The following APPL1 variants were observed in gnomAD, a reference collection of about 807,000 sequenced individuals.
APPL1 encodes the protein adaptor protein, phosphotyrosine interacting with PH domain and leucine zipper 1, also known as DCC-interacting protein 13-alpha.
In APPL1, 42 loss-of-function variants were observed where a neutral mutation model predicts 106.8. The observed-to-expected ratio is 0.39, with a 90% CI of 0.31 to 0.51. The LOEUF is 0.51. Ranked by LOEUF, APPL1 falls within the 20% of genes least tolerant of loss-of-function variation. The probability of loss-of-function intolerance (pLI) is 0.75; values close to 1 mark genes in which losing one functional copy is unlikely to be tolerated. For missense variants in APPL1, 769 were observed against 858.2 expected (o/e 0.90, Z 1.30); for synonymous variants, 263 against 281.8 (o/e 0.93, Z 0.67).
chr3:57,251,351 C>G (rs2060803566), intron 11 of APPL1, among the ~76,000 whole-genome samples: 1 of 151,012 alleles, frequency 6.6e-6, no homozygotes, highest in Non-Finnish European at 1.5e-5. Context: ...TGGTGAAATC[C>G]AGTCTCTACT....
chr3:57,262,385 C>CCTT (rs2060871206), intron 19 of APPL1, among the ~76,000 whole-genome samples: 1 of 29,056 alleles, frequency 3.4e-5, no homozygotes, highest in African/African-American at 1.3e-4. Flanking sequence ...GGAAAATAAC[C>CCTT]TTTTTTTTTT....
chr3:57,232,731 G>A (rs761391437), intron 1 of APPL1, among the ~76,000 whole-genome samples: 1 of 152,044 alleles, frequency 6.6e-6, no homozygotes, highest in Non-Finnish European at 1.5e-5. Flanking sequence ...GGCCCGGTGC[G>A]GTGGCTCACG....
intron 4 of APPL1, among the ~76,000 whole-genome samples, chr3:57,238,445 C>T (rs755428147): frequency 1.3e-5 from 2 of 152,244 alleles, no homozygotes; most frequent in Non-Finnish European, 1.5e-5. Flanking sequence ...TGCTATTAAG[C>T]AACATTTTAC....
At position 57,249,547 on chromosome 3, in the gene APPL1, AAGTT is replaced by A. The variant is rs1421398407; in HGVS notation, c.1052+3_1052+6del. 2 of 1,558,556 alleles carry A rather than the reference AAGTT, an allele frequency of 1.3e-6. No individual in the cohort carries two copies. Among genetic ancestry groups the A allele is most frequent in the Admixed American group, 4.2e-5 (2 of 47,630 alleles). On this transcript the variant is annotated splice_donor_variant and splice_donor_region_variant and coding_sequence_variant and intron_variant, in exon 11 of 22. Transcript: ENST00000288266. LOFTEE classifies it high-confidence loss of function. ...TCAGATCACCTCTTTCGATGGAAAA[AAGTT>A]AGTATTTTTTTTCTACTACTACTAA...
chr3:57,247,954 G>A (rs889123707), intron 9 of APPL1, among the ~76,000 whole-genome samples: 3 of 152,116 alleles, frequency 2.0e-5, no homozygotes, highest in Admixed American at 6.5e-5. Flanking sequence ...TGAAAATTAC[G>A]CCAAAATCAG....
Position 57,246,123 on chromosome 3 carries a change from A to G in APPL1, c.522A>G (p.Gln174=). The change falls in exon 8 of 22, where the codon CAA becomes CAG. Residue 174 remains glutamine (Q), a synonymous_variant. Transcript: ENST00000288266. ...TEDVYTSRKK[Q]HQTMMHYFCA... ...ATGTGTACACATCCAGAAAGAAACA[A>G]CACCAGACCATGATGCATTATTTTT... The G allele has an allele frequency of 1.2e-6, 2 of 1,612,006 alleles. No homozygotes were observed. Among genetic ancestry groups the G allele is most frequent in the Non-Finnish European group, 1.7e-6 (2 of 1,178,980 alleles).
intron 13 of APPL1, among the ~76,000 whole-genome samples, chr3:57,256,015 G>A (rs1051744860): frequency 6.6e-6 from 1 of 152,122 alleles, no homozygotes; most frequent in Non-Finnish European, 1.5e-5. Context: ...CTAACCATAA[G>A]ACACAGAAGT....
Position 57,234,288 on chromosome 3 carries a change from T to C in APPL1, c.55-1278T>C, listed in dbSNP as rs1458495791. ...TTTCCTTATCTTTGACAAATTTTTA[T>C]TGACATTCTTTTTTTTTTTTTTTTT... On this transcript the variant is annotated intron_variant, in intron 1 of 21. Transcript: ENST00000288266. Among the ~76,000 whole-genome samples, 5 of 151,374 alleles carry C rather than the reference T, an allele frequency of 3.3e-5. No individual in the cohort carries two copies. In the East Asian group the frequency reaches 9.7e-4, roughly 29 times the overall value.
intron 15 of APPL1, 130 bp downstream of exon 15, chr3:57,257,558 A>C (rs2060843997): frequency 1.3e-6 from 1 of 781,422 alleles, no homozygotes; most frequent in Non-Finnish European, 1.8e-6. Context: ...TTAATTATGT[A>C]ACATATTGTT....
chr3:57,263,048 T>C (rs1211800824), intron 19 of APPL1, among the ~76,000 whole-genome samples: 1 of 151,258 alleles, frequency 6.6e-6, no homozygotes, highest in Non-Finnish European at 1.5e-5. Context: ...ACAGGGTTTC[T>C]CCATGTTGGT....
chr3:57,268,080 G>A (rs867541824), intron 20 of APPL1: 17 of 494,768 alleles, frequency 3.4e-5, no homozygotes, highest in South Asian at 8.5e-5. Context: ...GCAACAGAGC[G>A]AGACTGTATC....
At chr3:57,267,646 T>A (rs2060901786) in intron 19 of APPL1, 96 bp from the exon 20 acceptor site, 1 of 992,976 alleles carries the variant, frequency 1.0e-6, no homozygotes. Flanking sequence ...GTATTAGGAT[T>A]AGTTATAAAA....
At chr3:57,258,669 G>A (rs1579398363) in intron 15 of APPL1, 1 of 174,730 alleles carries the variant, frequency 5.7e-6, no homozygotes, top group South Asian at 1.9e-4. Context: ...TACAATTCCA[G>A]GACATTCTTG....
Position 57,248,309 on chromosome 3 carries a change from A to T in APPL1, c.821A>T (p.Asn274Ile). ...CCAGACCCCACCAAATTTCCTGTTA[A>T]TCGAAATTTAACCCGAAAGGCTGGA... ...PDPDPTKFPV[N>I]RNLTRKAGYL... The change falls in exon 10 of 22, where the codon AAT becomes ATT. Residue 274 changes from asparagine (N) to isoleucine (I), a missense_variant. Asn to Ile is a moderately radical substitution (Grantham distance 149). Coordinates refer to ENST00000288266, the MANE Select transcript of APPL1 (RefSeq NM_012096.3). 1 of 1,614,176 alleles carries T rather than the reference A, an allele frequency of 6.2e-7. No homozygotes were observed. Among genetic ancestry groups the T allele is most frequent in the East Asian group, 2.2e-5 (1 of 44,872 alleles).
In APPL1 at chr3:57,269,705, A is replaced by G. The variant is rs1559516845; in HGVS notation, c.*18A>G. 2 of 1,612,354 alleles carry G rather than the reference A, an allele frequency of 1.2e-6. No individual in the cohort carries two copies. The highest frequency in any genetic ancestry group is 2.2e-5 in the South Asian group (2 of 90,724). ...AAGCATAAGCTTATACTTTTGGTAG[A>G]TATTCCCCCTTGGAATTTGACAGTT... On this transcript the variant is annotated 3_prime_UTR_variant, in exon 22 of 22. Coordinates refer to ENST00000288266, the MANE Select transcript of APPL1 (RefSeq NM_012096.3).
chr3:57,240,242 T>G (rs1479202292), intron 4 of APPL1, among the ~76,000 whole-genome samples: 1 of 152,040 alleles, frequency 6.6e-6, no homozygotes, highest in East Asian at 1.9e-4. Context: ...TAGTGTCATA[T>G]GCAAGAAAGT....
intron 15 of APPL1, among the ~76,000 whole-genome samples, chr3:57,257,975 C>G (rs1261630836): frequency 3.9e-5 from 6 of 152,112 alleles, no homozygotes; most frequent in African/African-American, 1.4e-4. Context: ...AGAGTGGACA[C>G]CTAATAAACT....
chr3:57,265,043 T>C (rs1363983951), intron 19 of APPL1, among the ~76,000 whole-genome samples: 1 of 152,184 alleles, frequency 6.6e-6, no homozygotes, highest in African/African-American at 2.4e-5. Flanking sequence ...TTGGGTAGTA[T>C]GGACATTTTA....
At position 57,246,201 on chromosome 3, in the gene APPL1, A is replaced by G. The variant is rs1461021447; in HGVS notation, c.600A>G (p.Leu200=). 5 of 1,603,696 alleles carry G rather than the reference A, an allele frequency of 3.1e-6. No individual in the cohort carries two copies. Among genetic ancestry groups the G allele is most frequent in the East Asian group, 2.2e-5 (1 of 44,654 alleles). The stretch of plus-strand genomic sequence containing the variant: ...AGAAAATAGCATTGTTAGAACCTCT[A>G]CTTGGGTACATGCAAGCTCAGGTAA... The part of the protein sequence containing the change: ...YKKKIALLEP[L]LGYMQAQISF... The change falls in exon 8 of 22, where the codon CTA becomes CTG. Residue 200 remains leucine (L), a synonymous_variant. Coordinates refer to ENST00000288266, the MANE Select transcript of APPL1 (RefSeq NM_012096.3).
Sources: allele counts gnomAD v4.1 joint callset (sites outside exome capture counted in the v4.1 genomes callset), GRCh38; gene constraint gnomAD v4.1.1; transcripts MANE v1.5; gene names NCBI Gene and HGNC (gene_info 2026-07-23, HGNC 2026-07-21).